Variants in MAPK14 observed in about 807,000 individuals in gnomAD.
MAPK14 encodes mitogen-activated protein kinase 14, also known as CSAID-binding protein.
Under a neutral mutation model 49.6 loss-of-function variants are expected in MAPK14, and 16 were observed. That is an observed-to-expected ratio of 0.32 (90% CI 0.22 to 0.49). The LOEUF is 0.49. Ranked by LOEUF, MAPK14 falls within the 20% of genes least tolerant of loss-of-function variation. The probability of loss-of-function intolerance (pLI) is 0.99; values close to 1 mark genes in which losing one functional copy is unlikely to be tolerated. For missense variants in MAPK14, 200 were observed against 441.2 expected, an observed-to-expected ratio of 0.45 and a Z score of 4.90; for synonymous variants, 142 against 158.0, an observed-to-expected ratio of 0.90 and a Z score of 0.76.
At position 36,100,079 on chromosome 6, in the gene MAPK14, T is replaced by C. The variant is rs1249369250; in HGVS notation, c.763-2492T>C. 10 of 733,944 alleles carry C rather than the reference T, an allele frequency of 1.4e-5. No homozygotes were observed. In the Admixed American group the frequency reaches 1.9e-4, roughly 14 times the overall value. The allele number at this position is 733,944 out of a possible 1,614,324, so 45.5% of individuals were successfully genotyped here. On this transcript the variant is annotated intron_variant, in intron 9 of 11. Transcript: ENST00000229794. ...GCTCTCGGGTAGGGGGAATGGAGGG[T>C]AGGTTTTTTTGTCTGTTTGGGGGTG...
In MAPK14 at chr6:36,028,203, A is replaced by G; in HGVS notation, c.46A>G (p.Thr16Ala). ...PTFYRQELNK[T>A]IWEVPERYQN... Reference sequence around the variant, plus strand: ...GTTCTACCGGCAGGAGCTGAACAAGACAATCTGGGAGGTGCCCGAGCGTTA... The same window carrying G: ...GTTCTACCGGCAGGAGCTGAACAAGGCAATCTGGGAGGTGCCCGAGCGTTA... The change falls in exon 1 of 12, where the codon ACA (threonine) becomes GCA (alanine). Residue 16 changes from threonine (T) to alanine (A), a missense_variant. Around this residue, in one of 2 missense-constraint regions of MAPK14, gnomAD observed 30 missense variants for 34.2 expected, o/e 0.88. Coordinates refer to ENST00000229794, the MANE Select transcript of MAPK14 (RefSeq NM_139012.3). The surrounding 1 kb of genome is among the most constrained non-coding windows in gnomAD (Gnocchi z 5.1). The G allele has an allele frequency of 6.2e-7, 1 of 1,613,888 alleles. No individual in the cohort carries two copies. Among genetic ancestry groups the G allele is most frequent in the Non-Finnish European group, 8.5e-7 (1 of 1,179,846 alleles).
At chr6:36,051,375 C>T (rs1258241758) in intron 1 of MAPK14, among the ~76,000 whole-genome samples, 2 of 152,114 alleles carry the variant, frequency 1.3e-5, no homozygotes, top group African/African-American at 4.8e-5. Context: ...TCCCAAGGTG[C>T]TGGATTACAG....
At chr6:36,068,020 A>G (rs1764127757) in intron 3 of MAPK14, among the ~76,000 whole-genome samples, 1 of 152,294 alleles carries the variant, frequency 6.6e-6, no homozygotes, top group Non-Finnish European at 1.5e-5. Context: ...ATAACTAAAA[A>G]GAAAAGGTAG....
chr6:36,075,784 T>C, intron 6 of MAPK14, 64 bp from the exon 7 acceptor site: 2 of 1,606,018 alleles, frequency 1.2e-6, no homozygotes, highest in South Asian at 1.1e-5. Flanking sequence ...GTTGTTGTTT[T>C]GTTTTTTTTT....
chr6:36,043,483 G>C (rs1335230397), intron 1 of MAPK14, among the ~76,000 whole-genome samples: 1 of 152,204 alleles, frequency 6.6e-6, no homozygotes, highest in Non-Finnish European at 1.5e-5. Context: ...ATCCGCTTCA[G>C]AGCAACAGTG....
Position 36,076,535 on chromosome 6 carries a change from A to C in MAPK14, c.611-2A>C. 2 of 1,611,112 alleles carry C rather than the reference A, an allele frequency of 1.2e-6. No individual in the cohort carries two copies. Among genetic ancestry groups the C allele is most frequent in the Non-Finnish European group, 1.7e-6 (2 of 1,177,300 alleles). ...ACTTTTACTTCTTTTTAATTTTGCCAGTTGATATTTGGTCAGTGGGATGCA... is the reference window on the plus strand; with the variant it reads ...ACTTTTACTTCTTTTTAATTTTGCCCGTTGATATTTGGTCAGTGGGATGCA... On this transcript the variant is annotated splice_acceptor_variant, in intron 7 of 11. Transcript: ENST00000229794. LOFTEE classifies it high-confidence loss of function.
At chr6:36,077,180 C>G (rs745541361) in intron 8 of MAPK14, among the ~76,000 whole-genome samples, 9 of 152,150 alleles carry the variant, frequency 5.9e-5, no homozygotes, top group Non-Finnish European at 1.2e-4. Flanking sequence ...CTAATTTACT[C>G]CAAGACTTAC....
At chr6:36,048,015 T>G (rs1257382287) in intron 1 of MAPK14, among the ~76,000 whole-genome samples, 2 of 151,910 alleles carry the variant, frequency 1.3e-5, no homozygotes, top group Non-Finnish European at 2.9e-5. Context: ...CGTGAGCCAC[T>G]GCGCCTGGCT....
chr6:36,079,853 G>A (rs1186853816), intron 8 of MAPK14, among the ~76,000 whole-genome samples: 2 of 151,572 alleles, frequency 1.3e-5, no homozygotes, highest in Non-Finnish European at 2.9e-5. Context: ...GTAACGTTGT[G>A]GAGAAGAAAA....
chr6:36,115,192 T>C (rs1377569695), downstream of MAPK14, among the ~76,000 whole-genome samples: 2 of 152,222 alleles, frequency 1.3e-5, no homozygotes, highest in East Asian at 3.8e-4. Context: ...TTAGAAGTTA[T>C]TATAAGTTAA....
At chr6:36,095,539 C>T (rs1364003663) in intron 8 of MAPK14, among the ~76,000 whole-genome samples, 1 of 152,298 alleles carries the variant, frequency 6.6e-6, no homozygotes, top group African/African-American at 2.4e-5. Flanking sequence ...ATCCCTAGCT[C>T]CTGTCTTCTG....
chr6:36,050,460 T>C (rs930740746), intron 1 of MAPK14, among the ~76,000 whole-genome samples: 1 of 152,208 alleles, frequency 6.6e-6, no homozygotes, highest in African/African-American at 2.4e-5. Flanking sequence ...AGGTCTAGAA[T>C]GTGACCATGA....
At chr6:36,096,094 C>G in intron 9 of MAPK14, 28 bp downstream of exon 9, 1 of 1,526,860 alleles carries the variant, frequency 6.5e-7, no homozygotes, top group Non-Finnish European at 9.1e-7. Flanking sequence ...AATTATCTGC[C>G]CTGTTGGGAG....
At chr6:36,123,958 G>T in the MAPK14 span, among the ~76,000 whole-genome samples, 1 of 151,946 alleles carries the variant, frequency 6.6e-6, no homozygotes, top group Non-Finnish European at 1.5e-5. Flanking sequence ...GAACCCAGAA[G>T]GCTGGCTGAG....
intron 2 of MAPK14, among the ~76,000 whole-genome samples, chr6:36,056,627 T>C (rs1479114192): frequency 6.6e-6 from 1 of 152,252 alleles, no homozygotes; most frequent in Non-Finnish European, 1.5e-5. Context: ...AAAATAGTTT[T>C]GACTTTTGTC....
rs559145071 is a variant in MAPK14 at position 36,067,926 on chromosome 6, G to A, written c.306-4947G>A. Reference sequence around the variant, plus strand: ...AACAAAAAATAACCCTGTCCTCCACGAACATTGTACAAGCAGATAACAATA... The same window carrying A: ...AACAAAAAATAACCCTGTCCTCCACAAACATTGTACAAGCAGATAACAATA... On this transcript the variant is annotated intron_variant, in intron 3 of 11. Coordinates refer to ENST00000229794, the MANE Select transcript of MAPK14 (RefSeq NM_139012.3). Among the ~76,000 whole-genome samples, 8 of 152,012 alleles carry A rather than the reference G, an allele frequency of 5.3e-5. No individual in the cohort carries two copies. In the East Asian group the frequency reaches 1.2e-3, roughly 22 times the overall value.
chr6:36,060,016 C>T (rs145551410), intron 3 of MAPK14, among the ~76,000 whole-genome samples: 16 of 152,290 alleles, frequency 1.1e-4, no homozygotes, highest in African/African-American at 3.6e-4. Context: ...TTTGTAACCA[C>T]CTCTGTTGTT....
chr6:36,061,086 A>G (rs1763803213), intron 3 of MAPK14, among the ~76,000 whole-genome samples: 1 of 152,220 alleles, frequency 6.6e-6, no homozygotes, highest in Non-Finnish European at 1.5e-5. Context: ...GGAATGTTAC[A>G]GAATGATGGT....
intron 3 of MAPK14, among the ~76,000 whole-genome samples, chr6:36,066,364 A>G (rs1376014123): frequency 6.6e-6 from 1 of 151,328 alleles, no homozygotes; most frequent in Non-Finnish European, 1.5e-5. Context: ...AAGATGCCAA[A>G]ACTAAGGGCC....
Sources: allele counts gnomAD v4.1 joint callset (sites outside exome capture counted in the v4.1 genomes callset), GRCh38; gene constraint gnomAD v4.1.1; regional missense constraint gnomAD v4.1.1; non-coding constraint Gnocchi (gnomAD v3.1); transcripts MANE v1.5; gene names NCBI Gene and HGNC (gene_info 2026-07-23, HGNC 2026-07-21).